Variants in ENOX1 observed in about 807,000 individuals in gnomAD.
ENOX1 encodes candidate growth-related and time keeping constitutive hydroquinone (NADH) oxidase.
Under a neutral mutation model 82.5 loss-of-function variants are expected in ENOX1, and 42 were observed. The ratio of observed to expected loss-of-function variants is 0.51; its 90% CI spans 0.40 to 0.66. The LOEUF (loss-of-function observed/expected upper bound fraction) is 0.66. ENOX1 is among the 30% of genes least tolerant of loss of function. ENOX1 has a pLI of 0.00. For synonymous variants in ENOX1, 271 were observed against 282.2 expected (o/e 0.96, Z 0.40); for missense variants, 608 against 811.6 (o/e 0.75, Z 3.05).
chr13:43,492,554 G>A (rs541849459), intron 2 of ENOX1, among the ~76,000 whole-genome samples: 2 of 152,216 alleles, frequency 1.3e-5, no homozygotes, highest in South Asian at 2.1e-4. Context: ...CCAGTGCATC[G>A]TAAGCAGCTA....
chr13:43,756,736 G>A (rs1950661529), intron 1 of ENOX1, among the ~76,000 whole-genome samples: 1 of 152,028 alleles, frequency 6.6e-6, no homozygotes, highest in Non-Finnish European at 1.5e-5. Flanking sequence ...GCTGAAATTG[G>A]ACAGGCAGGA....
intron 11 of ENOX1, among the ~76,000 whole-genome samples, chr13:43,307,197 T>C (rs894328700): frequency 1.2e-4 from 19 of 152,200 alleles, no homozygotes; most frequent in Non-Finnish European, 2.1e-4. Context: ...AACATTGAAA[T>C]TGACTTATGA....
intron 14 of ENOX1, among the ~76,000 whole-genome samples, chr13:43,264,820 A>G (rs1209553522): frequency 6.6e-6 from 1 of 152,232 alleles, no homozygotes; most frequent in Non-Finnish European, 1.5e-5. Flanking sequence ...ACTTTTTGAC[A>G]ATTGGATATT....
chr13:43,576,144 C>T (rs2080411650), intron 2 of ENOX1, among the ~76,000 whole-genome samples: 1 of 152,162 alleles, frequency 6.6e-6, no homozygotes, highest in African/African-American at 2.4e-5. Context: ...TTAAGAAGTG[C>T]ATATCTAACC....
intron 12 of ENOX1, among the ~76,000 whole-genome samples, chr13:43,270,570 A>C (rs1003904871): frequency 6.6e-6 from 1 of 152,146 alleles, no homozygotes; most frequent in Non-Finnish European, 1.5e-5. Flanking sequence ...CTGGAGAAAC[A>C]CTGGCACTGG....
Position 43,412,787 on chromosome 13 carries a change from T to C in ENOX1, c.70+58A>G, listed in dbSNP as rs1051757459. 3.8e-5 allele frequency: 61 copies of C among 1,604,020 alleles called. No individual in the cohort carries two copies. In the African/African-American group the frequency reaches 7.8e-4, roughly 21 times the overall value. On this transcript the variant is annotated intron_variant, in intron 4 of 16. Transcript: ENST00000690772. ...ATATTTTTCAAGGTGGGGCAAGCTT[T>C]TCCACTAAGAACTCAAAAAATCCTT...
rs952238760 is a variant in ENOX1, at chr13:43,470,592, T to C, written c.-75+13417A>G. 1.1e-4 allele frequency among the ~76,000 whole-genome samples: 17 copies of C among 150,862 alleles called. No homozygotes were observed. In the East Asian group the frequency reaches 3.3e-3, roughly 29 times the overall value. ...GGAAATACTTGCAAAATATACCTAA[T>C]AAAATACTTGTTTATATATTTACAT... On this transcript the variant is annotated intron_variant, in intron 3 of 16. Coordinates refer to ENST00000690772, the MANE Select transcript of ENOX1 (RefSeq NM_001347969.2).
At chr13:43,409,814 G>T (rs1157461883) in intron 5 of ENOX1, among the ~76,000 whole-genome samples, 1 of 152,144 alleles carries the variant, frequency 6.6e-6, no homozygotes, top group Admixed American at 6.5e-5. Context: ...AAAAAGACTG[G>T]AATAAAATAA....
At chr13:43,467,526 T>TTTTAAAATTTA (rs1555288423) in intron 3 of ENOX1, among the ~76,000 whole-genome samples, 1 of 148,008 alleles carries the variant, frequency 6.8e-6, no homozygotes, top group African/African-American at 2.6e-5. Flanking sequence ...TTTAAAATTT[T>TTTTAAAATTTA]AAATTTTAAA....
At chr13:43,778,715 TTTCC>T (rs1952068820) in intron 1 of ENOX1, among the ~76,000 whole-genome samples, 1 of 152,182 alleles carries the variant, frequency 6.6e-6, no homozygotes, top group Admixed American at 6.5e-5. Flanking sequence ...TCAATTTATC[TTTCC>T]TTCTTTTATT....
intron 1 of ENOX1, among the ~76,000 whole-genome samples, chr13:43,678,344 T>C (rs2085617093): frequency 6.6e-6 from 1 of 152,208 alleles, no homozygotes; most frequent in Non-Finnish European, 1.5e-5. Context: ...TTAAAAACTA[T>C]CACATCCTTA....
At chr13:43,223,463 C>G (rs919085914) in intron 16 of ENOX1, among the ~76,000 whole-genome samples, 4 of 152,082 alleles carry the variant, frequency 2.6e-5, no homozygotes, top group Non-Finnish European at 5.9e-5. Flanking sequence ...GGTAGGAGTA[C>G]AGCTAATTTG....
chr13:43,630,269 A>G (rs935532965), intron 2 of ENOX1, among the ~76,000 whole-genome samples: 2 of 152,130 alleles, frequency 1.3e-5, no homozygotes, highest in East Asian at 1.9e-4. Context: ...AGCAACAGCA[A>G]TTTTGCCAGA....
chr13:43,423,744 G>A (rs916221481), intron 3 of ENOX1, among the ~76,000 whole-genome samples: 3 of 152,258 alleles, frequency 2.0e-5, no homozygotes, highest in Admixed American at 1.3e-4. Flanking sequence ...GGGATACTGA[G>A]GCTTAACTAC....
intron 1 of ENOX1, among the ~76,000 whole-genome samples, chr13:43,737,475 C>A (rs1468418264): frequency 6.6e-6 from 1 of 152,154 alleles, no homozygotes; most frequent in Non-Finnish European, 1.5e-5. Flanking sequence ...CTTCACTGTT[C>A]CGGAGGCCAC....
chr13:43,478,457 G>C (rs904558108), intron 3 of ENOX1, among the ~76,000 whole-genome samples: 1 of 152,028 alleles, frequency 6.6e-6, no homozygotes, highest in Admixed American at 6.6e-5. Context: ...ATGCAAAAAA[G>C]AAGACAAGAC....
intron 2 of ENOX1, among the ~76,000 whole-genome samples, chr13:43,548,520 G>A (rs1382310038): frequency 1.3e-5 from 2 of 152,180 alleles, no homozygotes; most frequent in African/African-American, 2.4e-5. Context: ...GAGGCAAAAT[G>A]ACTATCAGGA....
intron 3 of ENOX1, among the ~76,000 whole-genome samples, chr13:43,445,876 G>GAA: frequency 6.6e-6 from 1 of 152,194 alleles, no homozygotes; most frequent in Non-Finnish European, 1.5e-5. Flanking sequence ...GCTCCTCACT[G>GAA]AAATCTTCAC....
intron 2 of ENOX1, among the ~76,000 whole-genome samples, chr13:43,558,466 A>C (rs553269474): frequency 6.6e-5 from 10 of 152,362 alleles, no homozygotes; most frequent in African/African-American, 2.4e-4. Flanking sequence ...AGATTCCAGC[A>C]GAACACTCTG....
Sources: gnomAD v4.1 joint callset for allele counts (sites outside exome capture counted in the v4.1 genomes callset) on GRCh38, gnomAD v4.1.1 for gene constraint, MANE v1.5 for transcripts, NCBI Gene and HGNC (gene_info 2026-07-23, HGNC 2026-07-21) for gene names.